Variants in DNAAF5 observed in about 807,000 individuals in gnomAD.
DNAAF5 encodes HEAT repeat containing 2.
DNAAF5 carries 64 observed loss-of-function variants against 75.8 expected under a neutral mutation model. The observed-to-expected ratio is 0.84, with a 90% CI of 0.69 to 1.04. The LOEUF (loss-of-function observed/expected upper bound fraction) is 1.04. Ranked by LOEUF, DNAAF5 falls within the 50% of genes least tolerant of loss-of-function variation. The probability of loss-of-function intolerance (pLI) is 0.00; values close to 1 mark genes in which losing one functional copy is unlikely to be tolerated. For synonymous variants in DNAAF5, 657 were observed against 557.2 expected, an observed-to-expected ratio of 1.18 and a Z score of -2.52; for missense variants, 1,269 against 1,178.5, an observed-to-expected ratio of 1.08 and a Z score of -1.12.
chr7:746,249 G>C (rs891425675), intron 4 of DNAAF5, among the ~76,000 whole-genome samples: 2 of 149,056 alleles, frequency 1.3e-5, no homozygotes, highest in African/African-American at 5.0e-5. Flanking sequence ...CCCAGGGTCT[G>C]TGACGCTCTC....
intron 5 of DNAAF5, among the ~76,000 whole-genome samples, chr7:755,983 C>T (rs1281419882): frequency 2.4e-5 from 3 of 123,316 alleles, no homozygotes; most frequent in African/African-American, 9.6e-5. Context: ...CTGTGGAATC[C>T]CACAGTGCAG....
intron 8 of DNAAF5, among the ~76,000 whole-genome samples, chr7:766,994 C>G (rs1219845886): frequency 1.3e-5 from 2 of 151,990 alleles, no homozygotes; most frequent in East Asian, 3.9e-4. Context: ...AATCCCAGCA[C>G]TTTGGGAGGC....
chr7:757,388 A>G (rs542274890), intron 6 of DNAAF5, among the ~76,000 whole-genome samples: 10 of 152,326 alleles, frequency 6.6e-5, no homozygotes, highest in Admixed American at 5.9e-4. Context: ...CTGGGGGTAG[A>G]TGTGGGGTCC....
At chr7:772,508 C>CT (rs1295816857) in intron 9 of DNAAF5, 4 of 152,242 alleles carry the variant, frequency 2.6e-5, no homozygotes, top group Non-Finnish European at 5.9e-5. Context: ...TTCTGGAAGT[C>CT]AAGCCCCACA....
chr7:732,861 A>G (rs1328244968), intron 2 of DNAAF5, among the ~76,000 whole-genome samples: 5 of 152,134 alleles, frequency 3.3e-5, no homozygotes, highest in Non-Finnish European at 7.3e-5. Context: ...TGCCCAGGCC[A>G]TGTCCCAGAG....
chr7:786,027 T>A lies in DNAAF5; in HGVS notation c.*374T>A. The A allele has an allele frequency of 5.7e-6, 1 of 175,744 alleles. No homozygotes were observed. The highest frequency in any genetic ancestry group is 1.2e-5 in the Non-Finnish European group (1 of 83,980). 10.9% of individuals were successfully genotyped at this position (175,744 alleles called of 1,614,324 possible). On this transcript the variant is annotated 3_prime_UTR_variant, in exon 13 of 13. Transcript: ENST00000297440. ...GCCCACCAAGAAGGTTTTTACCTAC[T>A]TAACAAAAAAGAAAGAAGCCAAAGT...
In DNAAF5 at chr7:785,601, C is replaced by T; in HGVS notation, c.2516C>T (p.Thr839Ile). 6.2e-7 allele frequency: 1 copy of T among 1,613,266 alleles called. No individual in the cohort carries two copies. Among genetic ancestry groups the T allele is most frequent in the Non-Finnish European group, 8.5e-7 (1 of 1,180,028 alleles). ...EAVIHKHRSA[T>I]YCEQLLQHVQ... ...GTCATCCACAAGCACCGCTCGGCCA[C>T]CTACTGCGAGCAGCTCCTGCAGCAT... Residue 839 changes from threonine (T) to isoleucine (I), a missense_variant, in exon 13 of 13, where the codon ACC (threonine) becomes ATC (isoleucine). Thr to Ile is a moderately conservative substitution (Grantham distance 89). Coordinates refer to ENST00000297440, the MANE Select transcript of DNAAF5 (RefSeq NM_017802.4).
chr7:782,480 CG>C (rs1234391035), intron 12 of DNAAF5, among the ~76,000 whole-genome samples: 2 of 141,400 alleles, frequency 1.4e-5, no homozygotes, highest in East Asian at 2.1e-4. Context: ...GTCAGAAACT[CG>C]GATCTTCCCG....
chr7:772,983 A>T (rs925682652), intron 9 of DNAAF5: 2 of 151,602 alleles, frequency 1.3e-5, no homozygotes, highest in Admixed American at 6.6e-5. Flanking sequence ...AAAAAAATTT[A>T]AAAAAACCTA....
chr7:767,860 C>A (rs1022787651), intron 8 of DNAAF5, among the ~76,000 whole-genome samples: 3 of 147,660 alleles, frequency 2.0e-5, no homozygotes, highest in Admixed American at 6.7e-5. Flanking sequence ...CAGGAGCTCA[C>A]GCTGGGAGGG....
intron 2 of DNAAF5, among the ~76,000 whole-genome samples, chr7:731,666 C>T (rs76077333): frequency 0.013 from 2,034 of 152,086 alleles, 34 homozygotes; most frequent in East Asian, 0.11. Flanking sequence ...TAAAATGTTA[C>T]GAGATTGTTT....
rs561545687 is a variant in DNAAF5, at chr7:745,591, GCA to G, written c.1024+4130_1024+4131del. On this transcript the variant is annotated intron_variant, in intron 4 of 12. Coordinates refer to ENST00000297440, the MANE Select transcript of DNAAF5 (RefSeq NM_017802.4). ...CATGTGCACACCCATATACACATCT[GCA>G]CACGTATACACATACACACCTGTGC... 3.3e-3 allele frequency among the ~76,000 whole-genome samples: 497 copies of G among 152,204 alleles called. 5 individuals carry two copies. The highest frequency in any genetic ancestry group is 0.012 in the African/African-American group (483 of 41,502).
intron 9 of DNAAF5, among the ~76,000 whole-genome samples, chr7:773,222 G>A (rs1476189593): frequency 1.3e-5 from 2 of 152,158 alleles, no homozygotes; most frequent in African/African-American, 4.8e-5. Flanking sequence ...CCACACCAAC[G>A]TCACTTTCCA....
intron 8 of DNAAF5, among the ~76,000 whole-genome samples, chr7:764,818 C>G (rs1010827863): frequency 7.2e-5 from 11 of 152,184 alleles, no homozygotes; most frequent in African/African-American, 2.7e-4. Flanking sequence ...CGCCTGTAAT[C>G]CCAGCACTTT....
In DNAAF5 at chr7:754,909, C is replaced by G; in HGVS notation, c.1257+88C>G. ...GTGGTGTGCGGGGCCCGAGGCTGTA[C>G]TGTAGCCAAGACAGCGTTCCCCTCA... On this transcript the variant is annotated intron_variant, in intron 5 of 12. Transcript: ENST00000297440. The surrounding 1 kb of genome is among the most constrained non-coding windows in gnomAD (Gnocchi z 4.8). 3.9e-6 allele frequency: 4 copies of G among 1,038,860 alleles called. No individual in the cohort carries two copies. The highest frequency in any genetic ancestry group is 5.6e-6 in the Non-Finnish European group (4 of 716,870). The allele number at this position is 1,038,860 out of a possible 1,614,324, so 64.4% of individuals were successfully genotyped here.
intron 11 of DNAAF5, among the ~76,000 whole-genome samples, chr7:779,750 C>T (rs574109146): frequency 6.6e-6 from 1 of 152,170 alleles, no homozygotes; most frequent in African/African-American, 2.4e-5. Flanking sequence ...CGCCTCCACT[C>T]TGTTGGCTGG....
Position 785,853 on chromosome 7 carries a change from C to T in DNAAF5, c.*200C>T. 3.4e-6 allele frequency: 2 copies of T among 585,768 alleles called. No homozygotes were observed. Among genetic ancestry groups the T allele is most frequent in the Non-Finnish European group, 2.9e-6 (1 of 347,748 alleles). 36.3% of individuals were successfully genotyped at this position (585,768 alleles called of 1,614,324 possible). A position where few individuals can be genotyped will look rare whatever the true frequency, so the allele number is the denominator to read the frequency against. On this transcript the variant is annotated 3_prime_UTR_variant, in exon 13 of 13. Coordinates refer to ENST00000297440, the MANE Select transcript of DNAAF5 (RefSeq NM_017802.4). The stretch of plus-strand genomic sequence containing the variant: ...TGCATGTTATGTGATTTGTTCTGTT[C>T]ATCGAGAGGGCTCCCAAACATCTGC...
intron 2 of DNAAF5, among the ~76,000 whole-genome samples, chr7:739,873 T>C (rs1397662965): frequency 6.6e-6 from 1 of 152,118 alleles, no homozygotes; most frequent in Non-Finnish European, 1.5e-5. Flanking sequence ...GACCACGCCA[T>C]GGGCACAGCT....
intron 12 of DNAAF5, among the ~76,000 whole-genome samples, chr7:782,054 G>T (rs540778532): frequency 6.6e-6 from 1 of 152,236 alleles, no homozygotes; most frequent in Non-Finnish European, 1.5e-5. Flanking sequence ...GACCTTCCCC[G>T]CGCAGCTGCG....
Sources: gnomAD v4.1 joint callset for allele counts (sites outside exome capture counted in the v4.1 genomes callset) on GRCh38, gnomAD v4.1.1 for gene constraint, Gnocchi (gnomAD v3.1) non-coding constraint, MANE v1.5 for transcripts, NCBI Gene and HGNC (gene_info 2026-07-23, HGNC 2026-07-21) for gene names.